The following CMTR1 variants were observed in gnomAD, a reference collection of about 807,000 sequenced individuals.
CMTR1 encodes cap-specific mRNA (nucleoside-2'-O-)-methyltransferase 1.
In CMTR1, 39 loss-of-function variants were observed where a neutral mutation model predicts 107.0. The observed-to-expected ratio is 0.36, with a 90% CI of 0.28 to 0.48. The LOEUF is 0.48. CMTR1 is among the 20% of genes least tolerant of loss of function. The pLI, the probability that CMTR1 is intolerant of heterozygous loss-of-function variation, is 0.99. For missense variants in CMTR1, 672 were observed against 1,064.9 expected, an observed-to-expected ratio of 0.63 and a Z score of 5.14; for synonymous variants, 366 against 379.5, an observed-to-expected ratio of 0.96 and a Z score of 0.41.
In CMTR1 at chr6:37,458,045, C is replaced by G. The variant is rs1761332448; in HGVS notation, c.778-567C>G. 6.6e-6 allele frequency among the ~76,000 whole-genome samples: 1 copy of G among 151,952 alleles called. No homozygotes were observed. Among genetic ancestry groups the G allele is most frequent in the African/African-American group, 2.4e-5 (1 of 41,362 alleles). ...GAGAGATAAAAAATGTAGTCAGATA[C>G]CCATAAATGTTTTTTGTTGTTTTTG... On this transcript the variant is annotated intron_variant, in intron 8 of 23. Transcript: ENST00000373451. The surrounding 1 kb of genome is among the most constrained non-coding windows in gnomAD (Gnocchi z 4.7).
the CMTR1 span, among the ~76,000 whole-genome samples, chr6:37,424,524 G>A: frequency 6.6e-6 from 1 of 151,936 alleles, no homozygotes; most frequent in Admixed American, 6.6e-5. Flanking sequence ...TGGGATTACA[G>A]GTGTGAGCCA....
In CMTR1 at chr6:37,478,476, C is replaced by G; in HGVS notation, c.2221C>G (p.Arg741Gly). Residue 741 changes from arginine to glycine, a missense_variant, in exon 22 of 24, where the codon CGG becomes GGG. Coordinates refer to ENST00000373451, the MANE Select transcript of CMTR1 (RefSeq NM_015050.3). The stretch of plus-strand genomic sequence containing the variant: ...GCTCAGCTACACAGGGCGTGATGAC[C>G]GGCACTTTGTACCCATGGGCCTCTA... ...PKLSYTGRDDRHFVPMGLYIV... is the reference protein window; with the variant it reads ...PKLSYTGRDDGHFVPMGLYIV... 2 of 1,614,028 alleles carry G rather than the reference C, an allele frequency of 1.2e-6. No individual in the cohort carries two copies. The highest frequency in any genetic ancestry group is 1.1e-5 in the South Asian group (1 of 91,072).
intron 21 of CMTR1, 96 bp downstream of exon 21, chr6:37,477,735 C>CGGGGGGGGGG: frequency 2.7e-6 from 1 of 373,518 alleles, no homozygotes; most frequent in Non-Finnish European, 4.6e-6. Context: ...GGGTCGGGGG[C>CGGGGGGGGGG]GGGGGGTGGT....
intron 13 of CMTR1, among the ~76,000 whole-genome samples, chr6:37,468,753 G>A (rs1052585579): frequency 6.6e-6 from 1 of 151,936 alleles, no homozygotes; most frequent in African/African-American, 2.4e-5. Flanking sequence ...CATGATGGCG[G>A]GTACCTGTAA....
intron 13 of CMTR1, among the ~76,000 whole-genome samples, chr6:37,470,347 C>T (rs1256601933): frequency 1.3e-5 from 2 of 151,944 alleles, no homozygotes; most frequent in African/African-American, 4.8e-5. Context: ...GGGGTTTCAC[C>T]GTGTTAGCCA....
At chr6:37,444,174 T>G in intron 3 of CMTR1, 24 bp downstream of exon 3, 1 of 1,610,310 alleles carries the variant, frequency 6.2e-7, no homozygotes, top group African/African-American at 1.3e-5. Context: ...TGGGTTGGGT[T>G]TCTCAAGCCC....
chr6:37,462,001 G>T lies in CMTR1; in HGVS notation c.1224G>T (p.Leu408=). The T allele has an allele frequency of 6.2e-7, 1 of 1,613,570 alleles. No individual in the cohort carries two copies. Among genetic ancestry groups the T allele is most frequent in the Non-Finnish European group, 8.5e-7 (1 of 1,179,952 alleles). Residue 408 remains leucine, a synonymous_variant, in exon 12 of 24, where the codon CTG becomes CTT. Coordinates refer to ENST00000373451, the MANE Select transcript of CMTR1 (RefSeq NM_015050.3). ...GGHFICKTFD[L]FTPFSVGLVY... ...ACTTCATCTGTAAAACCTTTGACCTGTTCACACCGTTTAGTGTGGGGCTTG... is the reference window on the plus strand; with the variant it reads ...ACTTCATCTGTAAAACCTTTGACCTTTTCACACCGTTTAGTGTGGGGCTTG...
At chr6:37,439,588 T>C (rs1000029913) in intron 2 of CMTR1, among the ~76,000 whole-genome samples, 1 of 152,234 alleles carries the variant, frequency 6.6e-6, no homozygotes, top group Non-Finnish European at 1.5e-5. Flanking sequence ...CCTTTATCGG[T>C]ATCTGTTTAA....
At chr6:37,436,315 TCA>T (rs1166447031) in intron 2 of CMTR1, 4 of 152,266 alleles carry the variant, frequency 2.6e-5, no homozygotes, top group African/African-American at 9.6e-5. Context: ...TTAGGGTTAT[TCA>T]CAGTTTCCAT....
Position 37,481,500 on chromosome 6 carries a change from T to C in CMTR1, c.*1355T>C, listed in dbSNP as rs1933892393. On this transcript the variant is annotated 3_prime_UTR_variant, in exon 24 of 24. Coordinates refer to ENST00000373451, the MANE Select transcript of CMTR1 (RefSeq NM_015050.3). ...AATCTTGGATCATTAAAGATAAACA[T>C]ATTTTTAATGCCTGTGTGGCTCTGT... The C allele has an allele frequency of 7.2e-6, 8 of 1,107,748 alleles. No individual in the cohort carries two copies. The South Asian group carries it at 9.2e-5, about 13-fold the overall frequency. The allele number at this position is 1,107,748 out of a possible 1,614,324, so 68.6% of individuals were successfully genotyped here.
Position 37,477,652 on chromosome 6 carries a change from A to G in CMTR1, c.2153+13A>G. 1 of 1,599,184 alleles carries G rather than the reference A, an allele frequency of 6.3e-7. No homozygotes were observed. Among genetic ancestry groups the G allele is most frequent in the Non-Finnish European group, 8.5e-7 (1 of 1,172,594 alleles). ...AGATTTTTGTCAGGTGAGTGACTTG[A>G]CCGGTGAAGCTCAGATTCAAGAGGA... On this transcript the variant is annotated intron_variant, in intron 21 of 23. Coordinates refer to ENST00000373451, the MANE Select transcript of CMTR1 (RefSeq NM_015050.3).
rs756234664 is a variant in CMTR1 at position 37,472,106 on chromosome 6, G to T, written c.1620+202G>T. Among the ~76,000 whole-genome samples the T allele has an allele frequency of 5.3e-5, 8 of 152,174 alleles. No individual in the cohort carries two copies. The highest frequency in any genetic ancestry group is 1.0e-4 in the Non-Finnish European group (7 of 68,034). On this transcript the variant is annotated intron_variant, in intron 15 of 23. Transcript: ENST00000373451. This position sits in a 1 kb window ranked among gnomAD's most constrained non-coding sequence, Gnocchi z 4.1. ...CACTGCTGGTTTGGCCCTGCAGCTG[G>T]GTCAGAAAGGACTAAGGGGTGGGGT...
At chr6:37,476,339 G>C (rs1761736663) in intron 20 of CMTR1, 145 bp downstream of exon 20, 1 of 817,452 alleles carries the variant, frequency 1.2e-6, no homozygotes, top group Non-Finnish European at 2.0e-6. Context: ...GTTTGTTTGG[G>C]GGTGCTAGGT....
intron 2 of CMTR1, among the ~76,000 whole-genome samples, chr6:37,438,430 G>A (rs773546908): frequency 6.6e-6 from 1 of 152,154 alleles, no homozygotes; most frequent in African/African-American, 2.4e-5. Flanking sequence ...TTCCTTGTAT[G>A]TGTCTGGCAA....
chr6:37,430,493 A>C (rs1403950943), upstream of CMTR1, among the ~76,000 whole-genome samples: 2 of 151,612 alleles, frequency 1.3e-5, no homozygotes, highest in Non-Finnish European at 2.9e-5. Flanking sequence ...TTGATTATTC[A>C]ATGTCTTAAT....
At chr6:37,465,623 G>A (rs1308851826) in intron 13 of CMTR1, among the ~76,000 whole-genome samples, 1 of 152,178 alleles carries the variant, frequency 6.6e-6, no homozygotes, top group Non-Finnish European at 1.5e-5. Context: ...AGTAGCTGGA[G>A]TAGCTAGGAT....
rs191007049 is a variant in CMTR1 at position 37,475,482 on chromosome 6, C to T, written c.2036+70C>T. On this transcript the variant is annotated intron_variant, in intron 19 of 23. Coordinates refer to ENST00000373451, the MANE Select transcript of CMTR1 (RefSeq NM_015050.3). ...GCAGCTTGGGAGGACAGCGGCCTCC[C>T]GAGGTGTGGCCCCTTATCTAGGCCT... The T allele has an allele frequency of 2.3e-4, 297 of 1,313,658 alleles. No homozygotes were observed. The African/African-American group carries it at 2.9e-3, about 13-fold the overall frequency. The allele number at this position is 1,313,658 out of a possible 1,614,324, so 81.4% of individuals were successfully genotyped here. A position where few individuals can be genotyped will look rare whatever the true frequency, so the allele number is the denominator to read the frequency against.
Position 37,477,654 on chromosome 6 carries a change from C to G in CMTR1, c.2153+15C>G. The G allele has an allele frequency of 6.2e-6, 10 of 1,600,822 alleles. No individual in the cohort carries two copies. Among genetic ancestry groups the G allele is most frequent in the Non-Finnish European group, 8.5e-6 (10 of 1,173,876 alleles). On this transcript the variant is annotated intron_variant, in intron 21 of 23. Coordinates refer to ENST00000373451, the MANE Select transcript of CMTR1 (RefSeq NM_015050.3). Reference sequence around the variant, plus strand: ...ATTTTTGTCAGGTGAGTGACTTGACCGGTGAAGCTCAGATTCAAGAGGAGG... The same window carrying G: ...ATTTTTGTCAGGTGAGTGACTTGACGGGTGAAGCTCAGATTCAAGAGGAGG...
intron 8 of CMTR1, among the ~76,000 whole-genome samples, chr6:37,454,121 G>T (rs1761242255): frequency 6.6e-6 from 1 of 152,214 alleles, no homozygotes; most frequent in Non-Finnish European, 1.5e-5. Flanking sequence ...TCCCTTCAGG[G>T]TTTCAAAGCA....
Sources: allele counts gnomAD v4.1 joint callset (sites outside exome capture counted in the v4.1 genomes callset), GRCh38; gene constraint gnomAD v4.1.1; non-coding constraint Gnocchi (gnomAD v3.1); transcripts MANE v1.5; gene names NCBI Gene and HGNC (gene_info 2026-07-23, HGNC 2026-07-21).